CYB5R4: variants seen among roughly 807,000 people sequenced by gnomAD.
The protein encoded by CYB5R4 is cytochrome b5 reductase 4, also known as N-terminal cytochrome b5 and cytochrome b5 oxidoreductase domain-containing protein.
A neutral mutation model predicts 70.2 loss-of-function variants in CYB5R4; 55 were observed. The observed-to-expected ratio is 0.78, with a 90% CI of 0.63 to 0.98. The LOEUF is 0.98. Ranked by LOEUF, CYB5R4 falls within the 50% of genes least tolerant of loss-of-function variation. The probability of loss-of-function intolerance (pLI) is 0.00; values close to 1 mark genes in which losing one functional copy is unlikely to be tolerated. For missense variants in CYB5R4, 562 were observed against 612.6 expected, an observed-to-expected ratio of 0.92 and a Z score of 0.87; for synonymous variants, 197 against 199.5, an observed-to-expected ratio of 0.99 and a Z score of 0.11.
In CYB5R4 at chr6:83,933,889, C is replaced by A. The variant is rs555604689; in HGVS notation, c.815-706C>A. Among the ~76,000 whole-genome samples the A allele has an allele frequency of 2.0e-4, 31 of 152,238 alleles. No individual in the cohort carries two copies. The East Asian group carries it at 6.0e-3, about 29-fold the overall frequency. On this transcript the variant is annotated intron_variant, in intron 10 of 15. Coordinates refer to ENST00000369681, the MANE Select transcript of CYB5R4 (RefSeq NM_016230.4). ...TTGAATTAATTTTCAGATACCAAAA[C>A]CTACACCTTTAAGCATAAATGTTTT...
intron 1 of CYB5R4, among the ~76,000 whole-genome samples, chr6:83,862,184 C>T (rs1208180077): frequency 6.6e-6 from 1 of 152,180 alleles, no homozygotes; most frequent in Non-Finnish European, 1.5e-5. Flanking sequence ...TTGGTAAGCA[C>T]CCAGTAAATG....
At chr6:83,897,594 G>C (rs922349228) in intron 3 of CYB5R4, among the ~76,000 whole-genome samples, 6 of 152,190 alleles carry the variant, frequency 3.9e-5, no homozygotes, top group Non-Finnish European at 7.3e-5. Flanking sequence ...CATTCTAACT[G>C]GTGGGAGATG....
intron 2 of CYB5R4, among the ~76,000 whole-genome samples, chr6:83,891,824 A>G (rs1262015161): frequency 6.6e-6 from 1 of 152,202 alleles, no homozygotes; most frequent in African/African-American, 2.4e-5. Flanking sequence ...TTTAGGCTTT[A>G]TGTGCTCATC....
chr6:83,913,473 T>A (rs1019812939), intron 4 of CYB5R4, among the ~76,000 whole-genome samples: 1 of 152,170 alleles, frequency 6.6e-6, no homozygotes, highest in East Asian at 1.9e-4. Flanking sequence ...AGGTGATAAT[T>A]TGCTGTATGT....
chr6:83,871,762 T>A (rs777444439), intron 2 of CYB5R4, among the ~76,000 whole-genome samples: 6 of 152,184 alleles, frequency 3.9e-5, no homozygotes, highest in Non-Finnish European at 7.3e-5. Flanking sequence ...ATTTAATATA[T>A]TGGCATATAG....
chr6:83,946,475 G>A (rs978358577), intron 14 of CYB5R4, among the ~76,000 whole-genome samples: 1 of 152,136 alleles, frequency 6.6e-6, no homozygotes, highest in Non-Finnish European at 1.5e-5. Context: ...TGCTGAATGG[G>A]CAAAAGCTGG....
intron 3 of CYB5R4, among the ~76,000 whole-genome samples, chr6:83,899,875 G>A (rs748247087): frequency 2.0e-4 from 31 of 151,946 alleles, no homozygotes; most frequent in Non-Finnish European, 3.7e-4. Context: ...TAGTAGTCTT[G>A]CTAGGGGTCT....
At chr6:83,878,267 A>G (rs1038002440) in intron 2 of CYB5R4, among the ~76,000 whole-genome samples, 2 of 152,276 alleles carry the variant, frequency 1.3e-5, no homozygotes, top group Non-Finnish European at 1.5e-5. Flanking sequence ...TGACATGTCT[A>G]ATAGTTCCAA....
chr6:83,936,431 G>T (rs2099468941), intron 12 of CYB5R4, 55 bp downstream of exon 12: 2 of 1,464,500 alleles, frequency 1.4e-6, no homozygotes, highest in Non-Finnish European at 1.9e-6. Flanking sequence ...GGATCACATT[G>T]TCCTCTAGTT....
intron 14 of CYB5R4, among the ~76,000 whole-genome samples, chr6:83,953,584 A>G (rs1054614483): frequency 5.3e-5 from 8 of 152,162 alleles, no homozygotes; most frequent in African/African-American, 1.9e-4. Flanking sequence ...AAAAAGTTGT[A>G]AAGTTGTATC....
chr6:83,955,206 C>T, intron 14 of CYB5R4, 92 bp from the exon 15 acceptor site: 1 of 1,023,680 alleles, frequency 9.8e-7, no homozygotes. Flanking sequence ...TTAAATTGTT[C>T]CTTTAGGGGA....
chr6:83,868,509 C>G (rs2099457084), intron 2 of CYB5R4, among the ~76,000 whole-genome samples: 1 of 152,020 alleles, frequency 6.6e-6, no homozygotes, highest in Admixed American at 6.6e-5. Flanking sequence ...GTATCAAGTT[C>G]CTAATTTTTT....
chr6:83,940,008 GT>G (rs749937494), intron 12 of CYB5R4, 47 bp from the exon 13 acceptor site: 22 of 1,388,572 alleles, frequency 1.6e-5, no homozygotes, highest in Non-Finnish European at 2.0e-5. Flanking sequence ...TTTTTGTTTT[GT>G]TTTTTGTTTT....
chr6:83,918,179 C>G, intron 6 of CYB5R4, 114 bp downstream of exon 6: 1 of 678,398 alleles, frequency 1.5e-6, no homozygotes, highest in East Asian at 2.8e-5. Context: ...TAGTCATGCT[C>G]TTTGACACAA....
intron 5 of CYB5R4, among the ~76,000 whole-genome samples, chr6:83,916,032 G>A (rs1283136463): frequency 6.6e-6 from 1 of 151,820 alleles, no homozygotes; most frequent in East Asian, 1.9e-4. Context: ...ATTATGTAAA[G>A]TTTGAGGGTT....
intron 3 of CYB5R4, among the ~76,000 whole-genome samples, chr6:83,900,684 G>C (rs1357238122): frequency 6.6e-6 from 1 of 152,144 alleles, no homozygotes; most frequent in East Asian, 1.9e-4. Context: ...AGGATAGTTA[G>C]CTCTTCTTGT....
intron 14 of CYB5R4, among the ~76,000 whole-genome samples, chr6:83,941,290 A>T (rs945105052): frequency 5.3e-5 from 8 of 152,230 alleles, no homozygotes; most frequent in Admixed American, 3.9e-4. Flanking sequence ...TTAACTGAAT[A>T]TATGCTCCAT....
intron 10 of CYB5R4, among the ~76,000 whole-genome samples, chr6:83,929,185 A>C (rs1377648654): frequency 6.6e-6 from 1 of 152,156 alleles, no homozygotes; most frequent in Non-Finnish European, 1.5e-5. Context: ...TTCACTAGCA[A>C]AGCCGAATGC....
chr6:83,889,671 A>G (rs933789722), intron 2 of CYB5R4, among the ~76,000 whole-genome samples: 1 of 152,194 alleles, frequency 6.6e-6, no homozygotes, highest in Non-Finnish European at 1.5e-5. Flanking sequence ...ATTGCTGTAA[A>G]TAAATACCTG....
Sources: allele counts gnomAD v4.1 joint callset (sites outside exome capture counted in the v4.1 genomes callset), GRCh38; gene constraint gnomAD v4.1.1; transcripts MANE v1.5; gene names NCBI Gene and HGNC (gene_info 2026-07-23, HGNC 2026-07-21).